The following FRMPD4 variants were observed in gnomAD, a reference collection of about 807,000 sequenced individuals.
The protein encoded by FRMPD4 is FERM and PDZ domain-containing protein 4.
A neutral mutation model predicts 94.1 loss-of-function variants in FRMPD4; 22 were observed. The observed-to-expected ratio is 0.23, with a 90% CI of 0.17 to 0.33. FRMPD4 has a LOEUF of 0.33. FRMPD4 is among the 10% of genes least tolerant of loss of function. The pLI is 1.00. For synonymous variants in FRMPD4, 631 were observed against 548.6 expected, an observed-to-expected ratio of 1.15 and a Z score of -2.10; for missense variants, 1,111 against 1,339.9, an observed-to-expected ratio of 0.83 and a Z score of 2.67.
At chrX:11,895,449 A>G (rs55959959) in intron 3 of FRMPD4, among the ~76,000 whole-genome samples, 5 of 111,513 alleles carry the variant, frequency 4.5e-5, no homozygotes, top group Admixed American at 9.5e-5. Context: ...GATGGAGCCA[A>G]TCATTACTCT....
At chrX:12,308,604 G>C (rs776124962) in intron 1 of FRMPD4, among the ~76,000 whole-genome samples, 11 of 111,631 alleles carry the variant, frequency 9.9e-5, no homozygotes, top group Middle Eastern at 4.7e-3. Flanking sequence ...GCAGTTTGGA[G>C]TTTCCTGATG....
intron 1 of FRMPD4, among the ~76,000 whole-genome samples, chrX:12,366,999 C>A (rs2056092843): frequency 9.0e-6 from 1 of 111,259 alleles, no homozygotes; most frequent in African/African-American, 3.3e-5. Context: ...TCATCAAAAA[C>A]CAGGCAGGCA....
At chrX:11,957,876 C>A (rs140383070) in intron 3 of FRMPD4, among the ~76,000 whole-genome samples, 2 of 112,423 alleles carry the variant, frequency 1.8e-5, no homozygotes, top group African/African-American at 6.5e-5. Context: ...CTTCTTTTGA[C>A]TGAAAGTAGT....
At chrX:12,286,815 A>G (rs1258947072) in intron 1 of FRMPD4, among the ~76,000 whole-genome samples, 2 of 111,803 alleles carry the variant, frequency 1.8e-5, no homozygotes, top group Non-Finnish European at 3.8e-5. Flanking sequence ...ATGAAAAAAA[A>G]ATGGTCCATT....
At chrX:12,576,488 T>C (rs907066747) in intron 2 of FRMPD4, among the ~76,000 whole-genome samples, 2 of 112,774 alleles carry the variant, frequency 1.8e-5, no homozygotes, top group African/African-American at 6.4e-5. Context: ...CACATCCTCA[T>C]CTGCTTAAGG....
intron 3 of FRMPD4, among the ~76,000 whole-genome samples, chrX:12,005,063 A>G (rs1348469930): frequency 8.9e-6 from 1 of 112,444 alleles, no homozygotes; most frequent in Non-Finnish European, 1.9e-5. Context: ...ATGCCTAAAT[A>G]ACACATGAAA....
At chrX:12,711,348 G>C (rs2041983376) in intron 14 of FRMPD4, among the ~76,000 whole-genome samples, 1 of 111,551 alleles carries the variant, frequency 9.0e-6, no homozygotes, top group Admixed American at 9.5e-5. Context: ...TCGGACTTGG[G>C]AACACTAGAA....
intron 3 of FRMPD4, among the ~76,000 whole-genome samples, chrX:11,954,198 A>C (rs1290654117): frequency 8.9e-6 from 1 of 112,876 alleles, no homozygotes; most frequent in African/African-American, 3.2e-5. Flanking sequence ...AAATTGCTAA[A>C]TGCCTCTTTT....
chrX:11,889,910 T>TA (rs1281540415), intron 3 of FRMPD4, among the ~76,000 whole-genome samples: 2 of 111,730 alleles, frequency 1.8e-5, no homozygotes, highest in African/African-American at 6.5e-5. Context: ...AGGCAAAAAA[T>TA]AAAAAATAGA....
intron 1 of FRMPD4, among the ~76,000 whole-genome samples, chrX:12,463,041 A>G (rs1296294884): frequency 8.9e-6 from 1 of 112,280 alleles, no homozygotes; most frequent in Non-Finnish European, 1.9e-5. Flanking sequence ...ATGGAAGAGC[A>G]GTATATATTT....
intron 1 of FRMPD4, among the ~76,000 whole-genome samples, chrX:11,858,031 T>C (rs977824033): frequency 8.1e-5 from 9 of 111,292 alleles, no homozygotes; most frequent in Non-Finnish European, 1.7e-4. Context: ...TAAGAATGAC[T>C]ATTATTAAAA....
chrX:12,706,781 C>T, intron 11 of FRMPD4, 45 bp from the exon 12 acceptor site: 1 of 675,304 alleles, frequency 1.5e-6, no homozygotes, highest in Non-Finnish European at 2.3e-6. Flanking sequence ...GAAATGGAGT[C>T]ATACCCAATA....
intron 10 of FRMPD4, among the ~76,000 whole-genome samples, chrX:12,702,396 A>G (rs961820750): frequency 6.3e-5 from 7 of 111,872 alleles, no homozygotes; most frequent in African/African-American, 2.3e-4. Context: ...TAACTTGCCC[A>G]AGTCAAATGG....
At chrX:12,299,322 AGAAGAAGAAGAAGAC>A (rs1167613117) in intron 1 of FRMPD4, among the ~76,000 whole-genome samples, 4 of 108,276 alleles carry the variant, frequency 3.7e-5, no homozygotes, top group African/African-American at 1.4e-4. Context: ...AGGAAGAGGA[AGAAGAAGAAGAAGAC>A]GAAGAAGAAG....
At chrX:12,275,129 C>A (rs1477426539) in intron 1 of FRMPD4, among the ~76,000 whole-genome samples, 1 of 112,060 alleles carries the variant, frequency 8.9e-6, no homozygotes, top group Non-Finnish European at 1.9e-5. Context: ...GGAGGTGGGG[C>A]CTGGTGGGAG....
In FRMPD4 at chrX:11,866,422, G is replaced by C. The variant is rs143431665; in HGVS notation, c.-30+1206G>C. On this transcript the variant is annotated intron_variant, in intron 2 of 18. Coordinates refer to the FRMPD4 transcript ENST00000640291. ...GTTTAGGCAATAGTAGGAGAAACAA[G>C]GTGAAGAAGCAGAGTCCTCCATTCT... Among the ~76,000 whole-genome samples the C allele has an allele frequency of 1.3e-4, 15 of 111,730 alleles. No homozygotes were observed. In the East Asian group the frequency reaches 4.2e-3, roughly 31 times the overall value.
At chrX:12,039,310 G>A (rs1368545577) in intron 3 of FRMPD4, among the ~76,000 whole-genome samples, 1 of 108,945 alleles carries the variant, frequency 9.2e-6, no homozygotes, top group African/African-American at 3.3e-5. Flanking sequence ...ACTGTGCACA[G>A]CCCCTCTTTT....
intron 1 of FRMPD4, among the ~76,000 whole-genome samples, chrX:12,329,452 CAA>C (rs2147935691): frequency 9.0e-6 from 1 of 111,300 alleles, no homozygotes; most frequent in African/African-American, 3.3e-5. Context: ...GACTGAGAGA[CAA>C]GAGAGCAGCA....
intron 2 of FRMPD4, among the ~76,000 whole-genome samples, chrX:12,528,305 T>A (rs1569317087): frequency 9.8e-6 from 1 of 101,841 alleles, no homozygotes; most frequent in African/African-American, 3.8e-5. Flanking sequence ...GTTAGTCTGT[T>A]TTTTTTTGTT....
Sources: allele counts gnomAD v4.1 joint callset (sites outside exome capture counted in the v4.1 genomes callset), GRCh38; gene constraint gnomAD v4.1.1; transcripts MANE v1.5; gene names NCBI Gene and HGNC (gene_info 2026-07-23, HGNC 2026-07-21).